GTF2F2: variants seen among roughly 807,000 people sequenced by gnomAD.
GTF2F2 encodes the protein general transcription factor IIF subunit 2.
GTF2F2 carries 23 observed loss-of-function variants against 42.2 expected under a neutral mutation model. The ratio of observed to expected loss-of-function variants is 0.55; its 90% CI spans 0.39 to 0.77. GTF2F2 has a LOEUF of 0.77. Among genes scored for constraint, GTF2F2 ranks in the 30% least tolerant of loss-of-function variants. The pLI is 0.00. For missense variants in GTF2F2, 261 were observed against 287.2 expected, an observed-to-expected ratio of 0.91 and a Z score of 0.66; for synonymous variants, 105 against 100.8, an observed-to-expected ratio of 1.04 and a Z score of -0.25.
intron 1 of GTF2F2, chr13:45,124,037 A>G: frequency 8.8e-7 from 1 of 1,133,594 alleles, no homozygotes; most frequent in South Asian, 1.2e-5. Context: ...CATGTGGGCC[A>G]TGAGGTCCCC....
At chr13:45,201,330 C>G (rs1056083083) in intron 4 of GTF2F2, among the ~76,000 whole-genome samples, 3 of 152,092 alleles carry the variant, frequency 2.0e-5, no homozygotes, top group African/African-American at 7.2e-5. Context: ...TCTTTCTATT[C>G]AAAGAAAATT....
At chr13:45,187,072 G>A (rs1483232517) in intron 4 of GTF2F2, among the ~76,000 whole-genome samples, 1 of 152,038 alleles carries the variant, frequency 6.6e-6, no homozygotes, top group Non-Finnish European at 1.5e-5. Context: ...TTATAATATG[G>A]AGTAGGTTTT....
At chr13:45,238,649 GA>G (rs10711964) in intron 5 of GTF2F2, among the ~76,000 whole-genome samples, 52,001 of 146,670 alleles carry the variant, frequency 0.35, 11,764 homozygotes, top group African/African-American at 0.65. Flanking sequence ...TTGAAGTAAA[GA>G]AAAAAAAAAA....
chr13:45,204,721 A>G (rs1258120247), intron 4 of GTF2F2, among the ~76,000 whole-genome samples: 1 of 152,202 alleles, frequency 6.6e-6, no homozygotes, highest in African/African-American at 2.4e-5. Context: ...AAATGTATTT[A>G]AGAAGAGAAG....
At chr13:45,213,835 A>G (rs1320540521) in intron 5 of GTF2F2, among the ~76,000 whole-genome samples, 1 of 152,178 alleles carries the variant, frequency 6.6e-6, no homozygotes, top group Non-Finnish European at 1.5e-5. Flanking sequence ...AGTTTTGTAT[A>G]TATGCATATT....
At chr13:45,122,696 C>T (rs1281093884) in intron 1 of GTF2F2, among the ~76,000 whole-genome samples, 1 of 152,128 alleles carries the variant, frequency 6.6e-6, no homozygotes, top group Non-Finnish European at 1.5e-5. Context: ...TCTTCATTCT[C>T]ATCTAATCAG....
At chr13:45,261,444 A>G (rs1230105444) in intron 6 of GTF2F2, among the ~76,000 whole-genome samples, 1 of 105,996 alleles carries the variant, frequency 9.4e-6, no homozygotes, top group Non-Finnish European at 2.4e-5. Context: ...AAAAAAAAAA[A>G]GAATAATTTG....
intron 5 of GTF2F2, among the ~76,000 whole-genome samples, chr13:45,228,152 T>G (rs542845818): frequency 6.6e-6 from 1 of 151,638 alleles, no homozygotes; most frequent in South Asian, 2.1e-4. Flanking sequence ...CCGCTTACCA[T>G]GCTCACACAC....
intron 5 of GTF2F2, among the ~76,000 whole-genome samples, chr13:45,232,614 G>C (rs965377094): frequency 1.3e-5 from 2 of 152,094 alleles, no homozygotes; most frequent in East Asian, 3.9e-4. Context: ...CAGCCTGGGT[G>C]ACGAGCAAGA....
chr13:45,196,276 A>T (rs1213921316), intron 4 of GTF2F2, among the ~76,000 whole-genome samples: 1 of 152,224 alleles, frequency 6.6e-6, no homozygotes, highest in African/African-American at 2.4e-5. Context: ...ATAACATTGC[A>T]TTCCAGAGAA....
At chr13:45,238,650 A>G (rs911206777) in intron 5 of GTF2F2, among the ~76,000 whole-genome samples, 1 of 67,836 alleles carries the variant, frequency 1.5e-5, no homozygotes, top group Non-Finnish European at 2.6e-5. Flanking sequence ...TGAAGTAAAG[A>G]AAAAAAAAAA....
At chr13:45,256,021 T>C (rs1397522059) in intron 6 of GTF2F2, among the ~76,000 whole-genome samples, 1 of 152,228 alleles carries the variant, frequency 6.6e-6, no homozygotes, top group Non-Finnish European at 1.5e-5. Flanking sequence ...TGCTTCTCTC[T>C]ATTATTTAAG....
chr13:45,137,765 C>T (rs1185093619), intron 2 of GTF2F2, among the ~76,000 whole-genome samples: 1 of 152,176 alleles, frequency 6.6e-6, no homozygotes, highest in East Asian at 1.9e-4. Flanking sequence ...GCTCACATGG[C>T]CAAGCCCAGA....
chr13:45,198,830 C>A (rs1353546774), intron 4 of GTF2F2, among the ~76,000 whole-genome samples: 2 of 151,780 alleles, frequency 1.3e-5, no homozygotes, highest in Non-Finnish European at 2.9e-5. Flanking sequence ...AAGAAACATT[C>A]ATTTTGATAT....
intron 4 of GTF2F2, among the ~76,000 whole-genome samples, chr13:45,202,050 C>T (rs1873212789): frequency 6.6e-6 from 1 of 152,136 alleles, no homozygotes; most frequent in African/African-American, 2.4e-5. Context: ...AGTCTAAATC[C>T]TACCCATTTT....
At chr13:45,245,054 A>G (rs1875516810) in intron 5 of GTF2F2, among the ~76,000 whole-genome samples, 1 of 152,218 alleles carries the variant, frequency 6.6e-6, no homozygotes, top group Admixed American at 6.5e-5. Context: ...TGAGACAGAA[A>G]GAGAAACTGA....
At chr13:45,204,164 CAAGT>C (rs1209224219) in intron 4 of GTF2F2, among the ~76,000 whole-genome samples, 5 of 151,872 alleles carry the variant, frequency 3.3e-5, no homozygotes, top group African/African-American at 1.2e-4. Flanking sequence ...TTTTAATTGA[CAAGT>C]AAAATTTGTG....
At chr13:45,274,850 T>G (rs1876960832) in intron 7 of GTF2F2, among the ~76,000 whole-genome samples, 1 of 151,906 alleles carries the variant, frequency 6.6e-6, no homozygotes, top group Admixed American at 6.6e-5. Flanking sequence ...AGGCAGAGGT[T>G]GTAGTGAGCC....
chr13:45,218,972 A>G (rs1008428850), intron 5 of GTF2F2, among the ~76,000 whole-genome samples: 6 of 152,156 alleles, frequency 3.9e-5, no homozygotes, highest in Admixed American at 1.3e-4. Context: ...TGAATTATTT[A>G]AGGAATCTTT....
Sources: gnomAD v4.1 joint callset for allele counts (sites outside exome capture counted in the v4.1 genomes callset) on GRCh38, gnomAD v4.1.1 for gene constraint, MANE v1.5 for transcripts, NCBI Gene and HGNC (gene_info 2026-07-23, HGNC 2026-07-21) for gene names.